CTNNA3: variants seen among roughly 807,000 people sequenced by gnomAD.
CTNNA3 encodes the protein catenin alpha-3.
CTNNA3 carries 76 observed loss-of-function variants against 95.7 expected under a neutral mutation model. The observed-to-expected ratio is 0.79, with a 90% CI of 0.66 to 0.96. The LOEUF is 0.96. Ranked by LOEUF, CTNNA3 falls within the 40% of genes least tolerant of loss-of-function variation. CTNNA3 has a pLI of 0.00. For synonymous variants in CTNNA3, 431 were observed against 374.4 expected (o/e 1.15, Z -1.74); for missense variants, 1,191 against 1,089.8 (o/e 1.09, Z -1.31).
chr10:67,156,428 C>G (rs2132077843), intron 7 of CTNNA3, among the ~76,000 whole-genome samples: 1 of 151,878 alleles, frequency 6.6e-6, no homozygotes, highest in African/African-American at 2.4e-5. Context: ...ATGGAAACTT[C>G]CCTCTTAGTA....
intron 1 of CTNNA3, among the ~76,000 whole-genome samples, chr10:67,709,189 A>G (rs780966091): frequency 6.6e-6 from 1 of 152,166 alleles, no homozygotes; most frequent in Non-Finnish European, 1.5e-5. Flanking sequence ...TGATTTTTCT[A>G]TAATAGTGCA....
At chr10:67,633,911 A>G (rs1839225423) in intron 2 of CTNNA3, among the ~76,000 whole-genome samples, 1 of 152,206 alleles carries the variant, frequency 6.6e-6, no homozygotes, top group African/African-American at 2.4e-5. Context: ...ACAGTTCAGG[A>G]TATCATCCAG....
At chr10:67,529,917 C>A (rs1385587623) in intron 4 of CTNNA3, among the ~76,000 whole-genome samples, 1 of 152,072 alleles carries the variant, frequency 6.6e-6, no homozygotes, top group Non-Finnish European at 1.5e-5. Context: ...GGGGGCAGGT[C>A]TTTCCTGCAC....
At chr10:67,212,694 T>C (rs551655257) in intron 6 of CTNNA3, among the ~76,000 whole-genome samples, 2 of 152,072 alleles carry the variant, frequency 1.3e-5, no homozygotes, top group South Asian at 4.1e-4. Flanking sequence ...CTGTATCTAC[T>C]GAGATTATTA....
At chr10:66,997,026 A>T (rs1851392797) in intron 7 of CTNNA3, among the ~76,000 whole-genome samples, 1 of 152,200 alleles carries the variant, frequency 6.6e-6, no homozygotes, top group Admixed American at 6.5e-5. Flanking sequence ...CCTGGATAGC[A>T]GTTATAGATC....
intron 5 of CTNNA3, among the ~76,000 whole-genome samples, chr10:67,503,883 C>A (rs111311519): frequency 1.5e-4 from 23 of 152,082 alleles, no homozygotes; most frequent in African/African-American, 5.3e-4. Flanking sequence ...TTCAGCCAGG[C>A]GCGGTGGCTC....
intron 1 of CTNNA3, among the ~76,000 whole-genome samples, chr10:67,672,475 G>C (rs1430612714): frequency 1.3e-5 from 2 of 152,124 alleles, no homozygotes; most frequent in Non-Finnish European, 1.5e-5. Context: ...TTTTCTTCTA[G>C]GGTTTTTATG....
chr10:67,149,458 G>A (rs933929673), intron 7 of CTNNA3, among the ~76,000 whole-genome samples: 1 of 152,076 alleles, frequency 6.6e-6, no homozygotes, highest in African/African-American at 2.4e-5. Context: ...GGTGACAGGC[G>A]CCTGTAGTCC....
chr10:67,165,606 G>A (rs191718727), intron 7 of CTNNA3, among the ~76,000 whole-genome samples: 88 of 152,252 alleles, frequency 5.8e-4, no homozygotes, highest in African/African-American at 1.9e-3. Flanking sequence ...ACCTCTCTGT[G>A]CTGTCTTTGC....
intron 7 of CTNNA3, among the ~76,000 whole-genome samples, chr10:67,085,796 A>ACAAACC (rs1231764976): frequency 6.6e-6 from 1 of 152,050 alleles, no homozygotes; most frequent in Non-Finnish European, 1.5e-5. Context: ...GCAAGCCTGC[A>ACAAACC]CAAACCCTGA....
rs1445678706 is a variant in CTNNA3, at chr10:67,710,924, G to A, written c.-2+52510C>T. ...CAAATCTCATCTTGAATTCCCACGT[G>A]TTGTGGGAGGGACCAAGTGGGAGGT... On this transcript the variant is annotated intron_variant, in intron 1 of 17. Transcript: ENST00000684154. Among the ~76,000 whole-genome samples the A allele has an allele frequency of 2.0e-5, 3 of 152,198 alleles. No individual in the cohort carries two copies. In the East Asian group the frequency reaches 5.8e-4, roughly 29 times the overall value.
At chr10:66,024,238 C>T (rs905425300) in intron 15 of CTNNA3, among the ~76,000 whole-genome samples, 8 of 151,950 alleles carry the variant, frequency 5.3e-5, no homozygotes, top group South Asian at 2.1e-4. Flanking sequence ...TACAGGCGAC[C>T]GCCACCACGC....
At chr10:66,006,773 A>G (rs75476210) in intron 15 of CTNNA3, among the ~76,000 whole-genome samples, 6,255 of 152,274 alleles carry the variant, frequency 0.041, 150 homozygotes, top group Middle Eastern at 0.092. Flanking sequence ...TTTAGCCATT[A>G]TTAGTTAGCA....
intron 14 of CTNNA3, among the ~76,000 whole-genome samples, chr10:66,101,235 T>C (rs2081617238): frequency 3.9e-5 from 6 of 152,182 alleles, no homozygotes; most frequent in Admixed American, 3.3e-4. Flanking sequence ...TGTGTGACCC[T>C]AGACAGTTTT....
chr10:67,167,976 A>C (rs1371584145), intron 7 of CTNNA3, among the ~76,000 whole-genome samples: 3 of 152,118 alleles, frequency 2.0e-5, no homozygotes, highest in African/African-American at 4.8e-5. Flanking sequence ...CTACTTAAAA[A>C]ATACAAAAAA....
intron 4 of CTNNA3, among the ~76,000 whole-genome samples, chr10:67,526,006 C>A (rs1420936680): frequency 6.6e-6 from 1 of 151,954 alleles, no homozygotes; most frequent in African/African-American, 2.4e-5. Flanking sequence ...TCTTAGTGTC[C>A]CTAAATCATC....
chr10:67,499,121 T>C (rs1181045211), intron 5 of CTNNA3, among the ~76,000 whole-genome samples: 2 of 152,138 alleles, frequency 1.3e-5, no homozygotes, highest in African/African-American at 4.8e-5. Context: ...CAATACCTAG[T>C]TTATTGAGAG....
intron 11 of CTNNA3, among the ~76,000 whole-genome samples, chr10:66,444,677 C>T (rs2093404478): frequency 6.6e-6 from 1 of 152,104 alleles, no homozygotes; most frequent in South Asian, 2.1e-4. Context: ...GAAGGAAGCA[C>T]TAAACATGGA....
intron 7 of CTNNA3, among the ~76,000 whole-genome samples, chr10:67,135,653 T>C (rs1051748051): frequency 6.6e-6 from 1 of 152,128 alleles, no homozygotes; most frequent in Non-Finnish European, 1.5e-5. Context: ...CCAGCCTGGA[T>C]GACAGAGTGA....
Sources: gnomAD v4.1 joint callset for allele counts (sites outside exome capture counted in the v4.1 genomes callset) on GRCh38, gnomAD v4.1.1 for gene constraint, MANE v1.5 for transcripts, NCBI Gene and HGNC (gene_info 2026-07-23, HGNC 2026-07-21) for gene names.